The following SYN3 variants were observed in gnomAD, a reference collection of about 807,000 sequenced individuals.
SYN3 encodes synapsin III, also known as synapsin-3.
Under a neutral mutation model 65.8 loss-of-function variants are expected in SYN3, and 35 were observed. That is an observed-to-expected ratio of 0.53 (90% confidence interval 0.41 to 0.70). SYN3 has a LOEUF of 0.70. Among genes scored for constraint, SYN3 ranks in the 30% least tolerant of loss-of-function variants. SYN3 has a pLI of 0.00. For synonymous variants in SYN3, 270 were observed against 292.9 expected, an observed-to-expected ratio of 0.92 and a Z score of 0.80; for missense variants, 680 against 749.0, an observed-to-expected ratio of 0.91 and a Z score of 1.08.
chr22:32,685,416 G>A (rs1003139608), intron 6 of SYN3, among the ~76,000 whole-genome samples: 2 of 152,242 alleles, frequency 1.3e-5, no homozygotes, highest in African/African-American at 4.8e-5. Context: ...ACTGTAGTCA[G>A]TGATGAACCG....
intron 3 of SYN3, among the ~76,000 whole-genome samples, chr22:32,957,671 C>A (rs2051508261): frequency 6.6e-6 from 1 of 152,174 alleles, no homozygotes; most frequent in African/African-American, 2.4e-5. Flanking sequence ...TTGCTCCAAG[C>A]ATTTAAGGCA....
intron 6 of SYN3, among the ~76,000 whole-genome samples, chr22:32,852,006 A>G (rs567478811): frequency 7.7e-4 from 117 of 152,336 alleles, no homozygotes; most frequent in African/African-American, 2.6e-3. Context: ...GGATACAAAG[A>G]TAACACTGCT....
At chr22:32,740,749 G>T (rs2061394260) in intron 6 of SYN3, among the ~76,000 whole-genome samples, 1 of 152,168 alleles carries the variant, frequency 6.6e-6, no homozygotes, top group Non-Finnish European at 1.5e-5. Context: ...ACCTTTTCTT[G>T]AATTACAGCC....
At chr22:33,004,289 C>T (rs2053142542) in intron 2 of SYN3, among the ~76,000 whole-genome samples, 1 of 152,212 alleles carries the variant, frequency 6.6e-6, no homozygotes, top group South Asian at 2.1e-4. Flanking sequence ...TCCACTGACA[C>T]TTCACACTGT....
intron 6 of SYN3, among the ~76,000 whole-genome samples, chr22:32,661,266 A>C (rs1419203365): frequency 6.6e-6 from 1 of 152,306 alleles, no homozygotes; most frequent in African/African-American, 2.4e-5. Context: ...TAGCACCTCC[A>C]CCTTCCCCTC....
chr22:32,672,132 T>G (rs114682), intron 6 of SYN3, among the ~76,000 whole-genome samples: 99,045 of 152,066 alleles, frequency 0.65, 32,720 homozygotes, highest in African/African-American at 0.76. Context: ...GCCAGCAGGC[T>G]GGATGTGTCC....
At chr22:32,941,875 C>T (rs750157094) in intron 3 of SYN3, among the ~76,000 whole-genome samples, 1 of 152,250 alleles carries the variant, frequency 6.6e-6, no homozygotes, top group Non-Finnish European at 1.5e-5. Flanking sequence ...TGAGATCTAA[C>T]TGCAAGGCAG....
At chr22:32,599,673 CT>C (rs1425126472) in intron 6 of SYN3, among the ~76,000 whole-genome samples, 3 of 152,154 alleles carry the variant, frequency 2.0e-5, no homozygotes, top group Non-Finnish European at 4.4e-5. Context: ...TCAAGGCACA[CT>C]TTTCTGGGAA....
chr22:32,756,083 T>A (rs529420181), intron 6 of SYN3, among the ~76,000 whole-genome samples: 9 of 151,710 alleles, frequency 5.9e-5, no homozygotes, highest in African/African-American at 1.9e-4. Context: ...GTTGGGGGGC[T>A]TGGGGAGGGA....
At chr22:33,013,272 C>T (rs1048510513) in intron 1 of SYN3, among the ~76,000 whole-genome samples, 2 of 152,218 alleles carry the variant, frequency 1.3e-5, no homozygotes, top group Middle Eastern at 3.4e-3. Flanking sequence ...TACAGGCTGG[C>T]AAAGGGAGGC....
intron 6 of SYN3, among the ~76,000 whole-genome samples, chr22:32,816,165 G>T (rs1451935754): frequency 1.3e-5 from 2 of 152,134 alleles, no homozygotes; most frequent in African/African-American, 4.8e-5. Context: ...GTTGGGCGAG[G>T]TCAGTGTACC....
chr22:32,836,698 G>A (rs2047739719), intron 6 of SYN3, among the ~76,000 whole-genome samples: 1 of 152,176 alleles, frequency 6.6e-6, no homozygotes, highest in Non-Finnish European at 1.5e-5. Flanking sequence ...TGCTGAGTGA[G>A]TAGGGGACAC....
chr22:32,949,533 C>A (rs1403325297), intron 3 of SYN3, among the ~76,000 whole-genome samples: 1 of 152,116 alleles, frequency 6.6e-6, no homozygotes, highest in East Asian at 1.9e-4. Context: ...CAGGAACACG[C>A]CCACACACCC....
chr22:32,827,474 A>C (rs992436476), intron 6 of SYN3, among the ~76,000 whole-genome samples: 1 of 152,132 alleles, frequency 6.6e-6, no homozygotes, highest in East Asian at 1.9e-4. Context: ...ACATGTGATG[A>C]TATCTACCTC....
chr22:32,960,136 C>T (rs2051602441), intron 3 of SYN3, among the ~76,000 whole-genome samples: 1 of 152,206 alleles, frequency 6.6e-6, no homozygotes, highest in Admixed American at 6.5e-5. Context: ...ACCCCTGGGC[C>T]TTGCTGGCCC....
chr22:32,608,874 A>G (rs993588320), intron 6 of SYN3, among the ~76,000 whole-genome samples: 2 of 152,244 alleles, frequency 1.3e-5, no homozygotes, highest in African/African-American at 4.8e-5. Context: ...GGGATAATTT[A>G]AACTGATACG....
At chr22:32,640,743 T>C (rs1251550229) in intron 6 of SYN3, among the ~76,000 whole-genome samples, 5 of 152,002 alleles carry the variant, frequency 3.3e-5, no homozygotes, top group African/African-American at 7.3e-5. Flanking sequence ...GGCGGGCGCC[T>C]GTAGTCCCAG....
intron 2 of SYN3, among the ~76,000 whole-genome samples, chr22:32,984,174 A>AAAAAG: frequency 7.0e-6 from 1 of 142,446 alleles, no homozygotes; most frequent in East Asian, 2.1e-4. Context: ...AAAAAAAAAA[A>AAAAAG]AAAAAGAAAA....
chr22:32,693,762 T>G (rs1346096091), intron 6 of SYN3, among the ~76,000 whole-genome samples: 3 of 151,984 alleles, frequency 2.0e-5, no homozygotes, highest in Non-Finnish European at 2.9e-5. Context: ...CAGCTAATTT[T>G]TGTATTTTTA....
Sources: allele counts gnomAD v4.1 joint callset (sites outside exome capture counted in the v4.1 genomes callset), GRCh38; gene constraint gnomAD v4.1.1; transcripts MANE v1.5; gene names NCBI Gene and HGNC (gene_info 2026-07-23, HGNC 2026-07-21).